Variants in SCG5 observed in about 807,000 individuals in gnomAD.
The protein encoded by SCG5 is secretogranin V, also known as neuroendocrine protein 7B2.
In SCG5, 18 loss-of-function variants were observed where a neutral mutation model predicts 25.7. That is an observed-to-expected ratio of 0.70 (90% CI 0.48 to 1.04). The LOEUF is 1.04. SCG5 is among the 50% of genes least tolerant of loss of function. The pLI is 0.00. For synonymous variants in SCG5, 101 were observed against 91.7 expected (o/e 1.10, Z -0.58); for missense variants, 206 against 259.8 (o/e 0.79, Z 1.42).
rs758141341 is a variant in SCG5 at position 32,684,692 on chromosome 15, G to C, written c.489+23G>C. On this transcript the variant is annotated intron_variant, in intron 4 of 5. Coordinates refer to ENST00000300175, the MANE Select transcript of SCG5 (RefSeq NM_001144757.3). ...TGGGTAAGTCCTATCTCAATTGTTAGTAGATTTTGCACTTTGGTACTCTGA... is the reference window on the plus strand; with the variant it reads ...TGGGTAAGTCCTATCTCAATTGTTACTAGATTTTGCACTTTGGTACTCTGA... 11 of 1,545,212 alleles carry C rather than the reference G, an allele frequency of 7.1e-6. No homozygotes were observed. The South Asian group carries it at 1.0e-4, about 14-fold the overall frequency.
At chr15:32,652,275 C>G (rs2054044508) in intron 2 of SCG5, among the ~76,000 whole-genome samples, 1 of 151,928 alleles carries the variant, frequency 6.6e-6, no homozygotes. Context: ...GGGGGCCCAC[C>G]ATACCTGCAG....
chr15:32,692,216 C>T, intron 5 of SCG5: 3 of 997,264 alleles, frequency 3.0e-6, no homozygotes, highest in South Asian at 9.3e-5. Flanking sequence ...AATTCGGGAG[C>T]AAAAGATGAG....
intron 5 of SCG5, among the ~76,000 whole-genome samples, chr15:32,695,214 A>G (rs1013510367): frequency 1.3e-5 from 2 of 151,790 alleles, no homozygotes; most frequent in Admixed American, 1.3e-4. Context: ...ACGGGGTTTC[A>G]CCGTGTTAGC....
At chr15:32,670,196 C>T (rs902328609) in intron 2 of SCG5, among the ~76,000 whole-genome samples, 2 of 152,196 alleles carry the variant, frequency 1.3e-5, no homozygotes, top group African/African-American at 2.4e-5. Context: ...ACAAAATATC[C>T]GAATGGGTTT....
intron 2 of SCG5, among the ~76,000 whole-genome samples, chr15:32,668,154 T>C (rs2054353379): frequency 6.6e-6 from 1 of 152,192 alleles, no homozygotes; most frequent in Admixed American, 6.5e-5. Context: ...AGGCTAGAAT[T>C]AACCCTCACC....
intron 4 of SCG5, among the ~76,000 whole-genome samples, chr15:32,686,966 T>C (rs1017390375): frequency 5.3e-5 from 8 of 152,030 alleles, no homozygotes; most frequent in East Asian, 1.9e-4. Flanking sequence ...GTGTGGCTGA[T>C]TGGGGTAGTA....
intron 2 of SCG5, 32 bp from the exon 3 acceptor site, chr15:32,679,734 A>G (rs756361693): frequency 5.6e-6 from 9 of 1,611,804 alleles, no homozygotes; most frequent in Non-Finnish European, 3.4e-6. Flanking sequence ...ATTGAATTGC[A>G]CTGCAATGAA....
intron 1 of SCG5, 86 bp from the exon 2 acceptor site, chr15:32,643,500 A>T: frequency 8.9e-7 from 1 of 1,126,266 alleles, no homozygotes; most frequent in Non-Finnish European, 1.3e-6. Flanking sequence ...CTCGAACCAC[A>T]ACCTGGAGTG....
At chr15:32,690,651 GA>G (rs147233924) in intron 4 of SCG5, among the ~76,000 whole-genome samples, 1 of 152,310 alleles carries the variant, frequency 6.6e-6, no homozygotes, top group African/African-American at 2.4e-5. Flanking sequence ...AGGTGGGGTA[GA>G]TTTTAATGAA....
chr15:32,657,715 C>T (rs1254429110), intron 2 of SCG5, among the ~76,000 whole-genome samples: 2 of 152,150 alleles, frequency 1.3e-5, no homozygotes, highest in Admixed American at 6.5e-5. Flanking sequence ...CGGTACACTT[C>T]CTTGAACCAA....
intron 2 of SCG5, among the ~76,000 whole-genome samples, chr15:32,673,550 G>GTGTGTGTGTGTA (rs2054478921): frequency 2.0e-5 from 3 of 151,502 alleles, no homozygotes; most frequent in Non-Finnish European, 4.4e-5. Context: ...GTGTGTGTGT[G>GTGTGTGTGTGTA]TGTGTGTGTG....
chr15:32,678,971 G>A (rs34278216), intron 2 of SCG5, among the ~76,000 whole-genome samples: 5,677 of 152,296 alleles, frequency 0.037, 154 homozygotes, highest in Non-Finnish European at 0.052. Context: ...AAGTGGTTGA[G>A]CTAAAATAGC....
At chr15:32,658,272 A>G (rs1163926738) in intron 2 of SCG5, among the ~76,000 whole-genome samples, 1 of 152,042 alleles carries the variant, frequency 6.6e-6, no homozygotes, top group Non-Finnish European at 1.5e-5. Flanking sequence ...TAAAATGCAT[A>G]GCTGCAACCT....
Position 32,681,550 on chromosome 15 carries a change from T to C in SCG5, c.376+1635T>C, listed in dbSNP as rs374711509. 4.6e-5 allele frequency among the ~76,000 whole-genome samples: 7 copies of C among 151,748 alleles called. No homozygotes were observed. In the South Asian group the frequency reaches 8.3e-4, roughly 18 times the overall value. On this transcript the variant is annotated intron_variant, in intron 3 of 5. Transcript: ENST00000300175. Reference sequence around the variant, plus strand: ...AGGTGGGAGTGTAGTGGCACAATTATAGTAATTCTGTGCCTCAGCCTTCCA... The same window carrying C: ...AGGTGGGAGTGTAGTGGCACAATTACAGTAATTCTGTGCCTCAGCCTTCCA...
chr15:32,657,199 G>GTGTGTATATATATATATATA (rs2054131495), intron 2 of SCG5, among the ~76,000 whole-genome samples: 1 of 6,674 alleles, frequency 1.5e-4, no homozygotes, highest in African/African-American at 5.1e-4. Context: ...TCATCCTCCT[G>GTGTGTATATATATATATATA]TATATATATA....
intron 4 of SCG5, among the ~76,000 whole-genome samples, chr15:32,690,664 G>T (rs905905925): frequency 6.6e-6 from 1 of 152,128 alleles, no homozygotes; most frequent in African/African-American, 2.4e-5. Flanking sequence ...TTTAATGAAC[G>T]TGAAAAATGA....
chr15:32,681,064 A>G (rs1216298982), intron 3 of SCG5, among the ~76,000 whole-genome samples: 1 of 152,218 alleles, frequency 6.6e-6, no homozygotes. Context: ...GCACAGAGTA[A>G]GGACTCTTTA....
intron 5 of SCG5, among the ~76,000 whole-genome samples, chr15:32,694,045 G>A (rs552887305): frequency 6.6e-6 from 1 of 152,170 alleles, no homozygotes; most frequent in East Asian, 1.9e-4. Flanking sequence ...GGGAGGTGGA[G>A]TTTGCAGTGA....
At chr15:32,651,944 A>C (rs547132201) in intron 2 of SCG5, among the ~76,000 whole-genome samples, 1 of 152,256 alleles carries the variant, frequency 6.6e-6, no homozygotes, top group African/African-American at 2.4e-5. Context: ...GTGGTGGCTG[A>C]TACTGTAGGG....
Sources: gnomAD v4.1 joint callset for allele counts (sites outside exome capture counted in the v4.1 genomes callset) on GRCh38, gnomAD v4.1.1 for gene constraint, MANE v1.5 for transcripts, NCBI Gene and HGNC (gene_info 2026-07-23, HGNC 2026-07-21) for gene names.